ITGAE: variants seen among roughly 807,000 people sequenced by gnomAD.
ITGAE encodes integrin subunit alpha E, also known as integrin alpha-E.
A neutral mutation model predicts 136.5 loss-of-function variants in ITGAE; 99 were observed. That is an observed-to-expected ratio of 0.73 (90% CI 0.62 to 0.86). ITGAE has a LOEUF of 0.86. ITGAE is among the 40% of genes least tolerant of loss of function. ITGAE has a pLI of 0.00. For synonymous variants in ITGAE, 613 were observed against 591.8 expected (o/e 1.04, Z -0.52); for missense variants, 1,447 against 1,515.3 (o/e 0.95, Z 0.75).
At chr17:3,724,084 G>A (rs1398610709) in intron 26 of ITGAE, 4 of 1,596,048 alleles carry the variant, frequency 2.5e-6, no homozygotes, top group Non-Finnish European at 8.5e-7. Flanking sequence ...AGCGGCAGCA[G>A]CGACGCCAGC....
chr17:3,797,285 C>T (rs1364281805), intron 1 of ITGAE, among the ~76,000 whole-genome samples: 1 of 149,934 alleles, frequency 6.7e-6, no homozygotes, highest in South Asian at 2.1e-4. Flanking sequence ...CCTGCCTCAG[C>T]CTCCCGAGTA....
chr17:3,779,054 TAAA>T (rs11348875), intron 1 of ITGAE, among the ~76,000 whole-genome samples: 2 of 143,352 alleles, frequency 1.4e-5, no homozygotes, highest in African/African-American at 2.5e-5. Flanking sequence ...TAACCTATAG[TAAA>T]AAAAAAAAAA....
chr17:3,743,764 G>A (rs544881959), intron 18 of ITGAE, 147 bp from the exon 19 acceptor site: 203 of 804,166 alleles, frequency 2.5e-4, no homozygotes, highest in Middle Eastern at 7.8e-4. Context: ...GTGCAGTGGC[G>A]TGATCTCGGC....
intron 16 of ITGAE, 136 bp from the exon 17 acceptor site, chr17:3,748,188 A>G (rs369365040): frequency 2.4e-6 from 2 of 827,650 alleles, no homozygotes; most frequent in Admixed American, 3.1e-5. Flanking sequence ...CTCAGGGTAC[A>G]GTGGGGAAAG....
intron 1 of ITGAE, among the ~76,000 whole-genome samples, chr17:3,786,315 T>C (rs746553427): frequency 6.6e-6 from 1 of 152,120 alleles, no homozygotes; most frequent in Non-Finnish European, 1.5e-5. Flanking sequence ...TAAGATATTT[T>C]ACTCATGACT....
chr17:3,762,208 C>T (rs865890376), intron 3 of ITGAE, among the ~76,000 whole-genome samples: 7 of 152,312 alleles, frequency 4.6e-5, no homozygotes, highest in East Asian at 1.9e-4. Context: ...CCTTTCAACA[C>T]GTGCCCATTG....
intron 1 of ITGAE, among the ~76,000 whole-genome samples, chr17:3,783,186 G>A (rs1164424498): frequency 6.6e-6 from 1 of 152,166 alleles, no homozygotes; most frequent in Non-Finnish European, 1.5e-5. Flanking sequence ...TGTCGCCCAA[G>A]CTGGAGTGCG....
rs2051543250 is a variant in ITGAE at position 3,739,848 on chromosome 17, G to A, written c.2479C>T (p.Leu827=). The A allele has an allele frequency of 6.2e-7, 1 of 1,614,078 alleles. No individual in the cohort carries two copies. Among genetic ancestry groups the A allele is most frequent in the African/African-American group, 1.3e-5 (1 of 74,938 alleles). ...AACTGTAATTCTGCGACACAAAACA[G>A]CTTATTCTTGCAGGCCTTCTCATAG... The part of the protein sequence containing the change: ...LPYEKACKNK[L]FCVAELQLAT... The change falls in exon 20 of 31, where the codon CTG becomes TTG. Residue 827 remains leucine (L), a synonymous_variant. Transcript: ENST00000263087.
chr17:3,732,494 T>G (rs1484734504), intron 21 of ITGAE, 28 bp from the exon 22 acceptor site: 2 of 1,578,610 alleles, frequency 1.3e-6, no homozygotes, highest in East Asian at 4.5e-5. Context: ...GACATTCTCT[T>G]AAAGAGCCAA....
chr17:3,791,161 A>C (rs2052930209), intron 1 of ITGAE, among the ~76,000 whole-genome samples: 1 of 151,874 alleles, frequency 6.6e-6, no homozygotes, highest in African/African-American at 2.4e-5. Context: ...TCTCAAAAAA[A>C]AAAAAAAAAA....
chr17:3,761,562 C>T lies in ITGAE; in HGVS notation c.316-42G>A, dbSNP rs1385255934. The T allele has an allele frequency of 3.9e-6, 6 of 1,533,194 alleles. No individual in the cohort carries two copies. In the South Asian group the frequency reaches 7.2e-5, roughly 18 times the overall value. The allele number at this position is 1,533,194 out of a possible 1,614,324, so 95.0% of individuals were successfully genotyped here. ...AGGGTGGGGAAACACCAGGTCACCT[C>T]CCGATTCCCGAGCCACAGCCACATT... On this transcript the variant is annotated intron_variant, in intron 4 of 30. Coordinates refer to ENST00000263087, the MANE Select transcript of ITGAE (RefSeq NM_002208.5).
At position 3,798,978 on chromosome 17, in the gene ITGAE, G is replaced by A. The variant is rs2053186614; in HGVS notation, c.34+2133C>T. Among the ~76,000 whole-genome samples the A allele has an allele frequency of 1.3e-5, 2 of 152,176 alleles. No homozygotes were observed. The highest frequency in any genetic ancestry group is 2.9e-5 in the Non-Finnish European group (2 of 68,038). On this transcript the variant is annotated intron_variant, in intron 1 of 30. Transcript: ENST00000263087. This position sits in a 1 kb window ranked among gnomAD's most constrained non-coding sequence, Gnocchi z 4.3. Reference sequence around the variant, plus strand: ...GTCTGCTGCCACAAATAAGAAGTAGGCATCACCAGAGTGGCTGGCCTGGAG... The same window carrying A: ...GTCTGCTGCCACAAATAAGAAGTAGACATCACCAGAGTGGCTGGCCTGGAG...
At position 3,719,234 on chromosome 17, in the gene ITGAE, T is replaced by TAAAAAAAAAAA. The variant is rs2050999265; in HGVS notation, c.3333+1072_3333+1073insTTTTTTTTTTT. ...CTGGGCGACACAGTGAGATTCTTCCTCAAAAAAAAAAAAAAAAAAAAAGAA... is the reference window on the plus strand; with the variant it reads ...CTGGGCGACACAGTGAGATTCTTCCTAAAAAAAAAAACAAAAAAAAAAAAAAAAAAAAAGAA... On this transcript the variant is annotated intron_variant, in intron 29 of 30. Coordinates refer to ENST00000263087, the MANE Select transcript of ITGAE (RefSeq NM_002208.5). Among the ~76,000 whole-genome samples the TAAAAAAAAAAA allele has an allele frequency of 5.6e-3, 190 of 34,010 alleles. 5 individuals are homozygous for TAAAAAAAAAAA. The highest frequency in any genetic ancestry group is 0.023 in the African/African-American group (176 of 7,502). 22.3% of individuals were successfully genotyped at this position (34,010 alleles called of 152,430 possible).
chr17:3,725,352 G>A (rs1567513030), intron 26 of ITGAE: 1 of 1,614,208 alleles, frequency 6.2e-7, no homozygotes. Flanking sequence ...GAAGGGTCCT[G>A]TCCCCTTTAG....
intron 16 of ITGAE, 38 bp from the exon 17 acceptor site, chr17:3,748,090 C>CCAA: frequency 1.3e-6 from 2 of 1,593,646 alleles, no homozygotes; most frequent in African/African-American, 2.7e-5. Context: ...GAAGTGACTG[C>CCAA]TCAGCCTCTG....
At position 3,755,850 on chromosome 17, in the gene ITGAE, T is replaced by C. The variant is rs144290513; in HGVS notation, c.1219A>G (p.Ser407Gly). ...LHYQLAQIGF[S>G]AQILDERQVL... is the part of the protein sequence containing the mutation. ...CGTACCTCATCCAGGATCTGAGCAC[T>C]GAAGCCAATCTGTGCCAGCTGGTAG... The change falls in exon 11 of 31, where the codon AGT (serine) becomes GGT (glycine). Residue 407 changes from serine to glycine, a missense_variant. Around this residue, in one of 3 missense-constraint regions of ITGAE, gnomAD observed 1,031 missense variants for 1,011.4 expected, o/e 1.02. Transcript: ENST00000263087. The C allele has an allele frequency of 2.8e-5, 45 of 1,598,138 alleles. No individual in the cohort carries two copies. In the African/African-American group the frequency reaches 4.3e-4, roughly 15 times the overall value.
chr17:3,800,974 T>G (rs978639965), intron 1 of ITGAE, 137 bp downstream of exon 1: 3 of 1,007,424 alleles, frequency 3.0e-6, no homozygotes, highest in Non-Finnish European at 4.5e-6. Context: ...ACTCCTTTCC[T>G]GGAGGAGCTG....
chr17:3,800,156 A>T (rs1013605284), intron 1 of ITGAE, among the ~76,000 whole-genome samples: 6 of 152,156 alleles, frequency 3.9e-5, no homozygotes, highest in African/African-American at 1.2e-4. Flanking sequence ...AAAATATTAA[A>T]ATCTGTCCAA....
At chr17:3,749,727 G>A (rs906465529) in intron 16 of ITGAE, among the ~76,000 whole-genome samples, 7 of 152,012 alleles carry the variant, frequency 4.6e-5, no homozygotes, top group African/African-American at 1.7e-4. Context: ...CAAAAACTCT[G>A]CAATTCTTGG....
Sources: allele counts gnomAD v4.1 joint callset (sites outside exome capture counted in the v4.1 genomes callset), GRCh38; gene constraint gnomAD v4.1.1; regional missense constraint gnomAD v4.1.1; non-coding constraint Gnocchi (gnomAD v3.1); transcripts MANE v1.5; gene names NCBI Gene and HGNC (gene_info 2026-07-23, HGNC 2026-07-21).